Variants in ALDH1L2 observed in about 807,000 individuals in gnomAD.
The protein encoded by ALDH1L2 is mitochondrial 10-formyltetrahydrofolate dehydrogenase.
In ALDH1L2, 91 loss-of-function variants were observed where a neutral mutation model predicts 111.0. The observed-to-expected ratio is 0.82, with a 90% CI of 0.69 to 0.98. The LOEUF (loss-of-function observed/expected upper bound fraction) is 0.98, where lower values mean the gene tolerates loss of function less well. Ranked by LOEUF, ALDH1L2 falls within the 50% of genes least tolerant of loss-of-function variation. ALDH1L2 has a pLI of 0.00. For missense variants in ALDH1L2, 995 were observed against 1,126.8 expected (o/e 0.88, Z 1.67); for synonymous variants, 374 against 392.6 (o/e 0.95, Z 0.56).
intron 3 of ALDH1L2, among the ~76,000 whole-genome samples, chr12:105,070,241 A>G (rs1203959643): frequency 6.6e-6 from 1 of 152,222 alleles, no homozygotes; most frequent in African/African-American, 2.4e-5. Context: ...ATTCTTGGTA[A>G]ATGCTGTCCT....
intron 11 of ALDH1L2, 68 bp from the exon 12 acceptor site, chr12:105,052,285 G>A (rs1876335072): frequency 2.2e-6 from 3 of 1,394,228 alleles, no homozygotes; most frequent in African/African-American, 1.5e-5. Flanking sequence ...AATTAATATT[G>A]TATTAATAGA....
At chr12:105,051,635 A>G (rs1388117925) in intron 12 of ALDH1L2, among the ~76,000 whole-genome samples, 1 of 152,176 alleles carries the variant, frequency 6.6e-6, no homozygotes, top group Admixed American at 6.5e-5. Flanking sequence ...ATACTAACAT[A>G]ATCAACATAT....
At chr12:105,044,157 C>G (rs1364609704) in intron 15 of ALDH1L2, among the ~76,000 whole-genome samples, 2 of 152,166 alleles carry the variant, frequency 1.3e-5, no homozygotes, top group East Asian at 1.9e-4. Flanking sequence ...ATAGAGCCAG[C>G]CTGTAATTTC....
chr12:105,058,171 C>T lies in ALDH1L2; in HGVS notation c.1189G>A (p.Glu397Lys). 1 of 1,612,186 alleles carries T rather than the reference C, an allele frequency of 6.2e-7. No homozygotes were observed. Among genetic ancestry groups the T allele is most frequent in the Non-Finnish European group, 8.5e-7 (1 of 1,179,322 alleles). The change falls in exon 10 of 23, where the codon GAA becomes AAA. Residue 397 changes from glutamate to lysine, a missense_variant. Coordinates refer to ENST00000258494, the MANE Select transcript of ALDH1L2 (RefSeq NM_001034173.4). ...QKCGGLQLQNEDVYMATKFEG... is the reference protein window; with the variant it reads ...QKCGGLQLQNKDVYMATKFEG... Reference sequence around the variant, plus strand: ...AACTTGGTGGCCATATAGACATCTTCATTCTGCAACTGAAGCCCACCACAT... The same window carrying T: ...AACTTGGTGGCCATATAGACATCTTTATTCTGCAACTGAAGCCCACCACAT...
intron 10 of ALDH1L2, among the ~76,000 whole-genome samples, chr12:105,055,497 A>G (rs908082848): frequency 2.6e-5 from 4 of 152,216 alleles, no homozygotes; most frequent in Non-Finnish European, 4.4e-5. Context: ...ATTTTAAATG[A>G]CCACCTTTCA....
At chr12:105,050,695 G>A (rs1276514916) in intron 12 of ALDH1L2, 1 of 453,536 alleles carries the variant, frequency 2.2e-6, no homozygotes, top group South Asian at 1.6e-5. Flanking sequence ...GCTTGTATTA[G>A]TTCATTCTCA....
At chr12:105,050,337 C>T (rs1301111747) in intron 12 of ALDH1L2, 4 of 225,036 alleles carry the variant, frequency 1.8e-5, no homozygotes, top group East Asian at 1.0e-4. Context: ...GAGCCAGTAC[C>T]AGTCATTGGA....
rs76223266 is a variant in ALDH1L2, at chr12:105,052,318, T to A, written c.1408-101A>T. The A allele has an allele frequency of 8.8e-5, 76 of 867,832 alleles. No individual in the cohort carries two copies. Among genetic ancestry groups the A allele is most frequent in the Non-Finnish European group, 1.1e-4 (66 of 619,184 alleles). 53.8% of individuals were successfully genotyped at this position (867,832 alleles called of 1,614,324 possible). On this transcript the variant is annotated intron_variant, in intron 11 of 22. Coordinates refer to ENST00000258494, the MANE Select transcript of ALDH1L2 (RefSeq NM_001034173.4). Reference sequence around the variant, plus strand: ...AGAAAAAATAGAGTATTACTGATTTTAAAAAAAGTTATGATAAGAAATGAG... The same window carrying A: ...AGAAAAAATAGAGTATTACTGATTTAAAAAAAAGTTATGATAAGAAATGAG...
Position 105,065,278 on chromosome 12 carries a change from T to A in ALDH1L2, c.775A>T (p.Ile259Leu). The change falls in exon 6 of 23, where the codon ATA (isoleucine) becomes TTA (leucine). Residue 259 changes from isoleucine to leucine, a missense_variant. By Grantham distance (5) the Ile-to-Leu change is conservative. Coordinates refer to ENST00000258494, the MANE Select transcript of ALDH1L2 (RefSeq NM_001034173.4). ...HDKVPGAWTE[I>L]NGQMVTFYGS... ...TCCCTAAAACATACCTGTCCATTTA[T>A]CTCTGTCCAAGCTCCAGGGACTTTA... 6.2e-7 allele frequency: 1 copy of A among 1,608,024 alleles called. No homozygotes were observed. The highest frequency in any genetic ancestry group is 8.5e-7 in the Non-Finnish European group (1 of 1,175,820).
At chr12:105,071,190 A>G (rs1877663226) in intron 2 of ALDH1L2, among the ~76,000 whole-genome samples, 1 of 152,244 alleles carries the variant, frequency 6.6e-6, no homozygotes, top group Admixed American at 6.5e-5. Context: ...TGGCACAGCT[A>G]GAAAGCCATG....
In ALDH1L2 at chr12:105,075,056, A is replaced by G. The variant is rs541366268; in HGVS notation, c.49-1051T>C. ...GTCCTATATGCTATCTTCAAATCCT[A>G]TAACTAATGCTGTTGCTTGAAATAG... On this transcript the variant is annotated intron_variant, in intron 1 of 22. Coordinates refer to ENST00000258494, the MANE Select transcript of ALDH1L2 (RefSeq NM_001034173.4). Among the ~76,000 whole-genome samples the G allele has an allele frequency of 1.4e-4, 22 of 152,360 alleles. No homozygotes were observed. In the South Asian group the frequency reaches 3.5e-3, roughly 24 times the overall value.
intron 8 of ALDH1L2, 80 bp from the exon 9 acceptor site, chr12:105,061,152 CA>C: frequency 8.3e-7 from 1 of 1,200,632 alleles, no homozygotes; most frequent in African/African-American, 1.5e-5. Flanking sequence ...TTCACCAAAC[CA>C]ATTCCCTCTT....
At chr12:105,071,934 A>G (rs1877756806) in intron 2 of ALDH1L2, among the ~76,000 whole-genome samples, 1 of 150,418 alleles carries the variant, frequency 6.6e-6, no homozygotes, top group Non-Finnish European at 1.5e-5. Context: ...CCAAAAAAAC[A>G]AAAATTATTT....
intron 2 of ALDH1L2, 100 bp downstream of exon 2, chr12:105,073,761 A>G: frequency 1.3e-6 from 2 of 1,497,960 alleles, no homozygotes; most frequent in East Asian, 4.5e-5. Context: ...TGGCGCTGTG[A>G]TAGTAGGGGC....
At chr12:105,040,484 G>T in intron 16 of ALDH1L2, 123 bp downstream of exon 16, 1 of 901,722 alleles carries the variant, frequency 1.1e-6, no homozygotes, top group Non-Finnish European at 1.8e-6. Flanking sequence ...TTAACTGTTT[G>T]GTGAATTGTA....
chr12:105,066,517 G>T, intron 5 of ALDH1L2, 51 bp downstream of exon 5: 1 of 1,527,066 alleles, frequency 6.5e-7, no homozygotes, highest in Non-Finnish European at 9.0e-7. Flanking sequence ...ACTACTGAAG[G>T]GTAGAGGGCC....
At chr12:105,072,518 G>A (rs1024144286) in intron 2 of ALDH1L2, 3 of 152,146 alleles carry the variant, frequency 2.0e-5, no homozygotes, top group African/African-American at 7.2e-5. Flanking sequence ...TTCACAAAAT[G>A]TGAGTGTTCA....
Position 105,061,145 on chromosome 12 carries a change from A to G in ALDH1L2, c.1048-73T>C, listed in dbSNP as rs878986236. On this transcript the variant is annotated intron_variant, in intron 8 of 22. Coordinates refer to ENST00000258494, the MANE Select transcript of ALDH1L2 (RefSeq NM_001034173.4). ...GTGGCAGAGACTGGGCTAGCTCTTC[A>G]CCAAACCAATTCCCTCTTCATCTTG... 10 of 1,282,138 alleles carry G rather than the reference A, an allele frequency of 7.8e-6. No individual in the cohort carries two copies. In the South Asian group the frequency reaches 1.2e-4, roughly 15 times the overall value. 79.4% of individuals were successfully genotyped at this position (1,282,138 alleles called of 1,614,324 possible).
At chr12:105,026,009 G>T (rs2091903997) in intron 22 of ALDH1L2, among the ~76,000 whole-genome samples, 1 of 152,328 alleles carries the variant, frequency 6.6e-6, no homozygotes. Context: ...AAAGGTGTTA[G>T]TGTCACTGCT....
Sources: gnomAD v4.1 joint callset for allele counts (sites outside exome capture counted in the v4.1 genomes callset) on GRCh38, gnomAD v4.1.1 for gene constraint, MANE v1.5 for transcripts, NCBI Gene and HGNC (gene_info 2026-07-23, HGNC 2026-07-21) for gene names.